Variants in ITPK1 observed in about 807,000 individuals in gnomAD.
The protein encoded by ITPK1 is inositol-tetrakisphosphate 1-kinase.
ITPK1 carries 21 observed loss-of-function variants against 45.3 expected under a neutral mutation model. The ratio of observed to expected loss-of-function variants is 0.46; its 90% CI spans 0.33 to 0.67. The LOEUF (loss-of-function observed/expected upper bound fraction) is 0.67. Ranked by LOEUF, ITPK1 falls within the 30% of genes least tolerant of loss-of-function variation. ITPK1 has a pLI of 0.02. For missense variants in ITPK1, 474 were observed against 573.5 expected (o/e 0.83, Z 1.77); for synonymous variants, 258 against 253.6 (o/e 1.02, Z -0.16).
intron 2 of ITPK1, among the ~76,000 whole-genome samples, chr14:93,082,195 C>A (rs2139992742): frequency 6.6e-6 from 1 of 152,242 alleles, no homozygotes; most frequent in East Asian, 1.9e-4. Flanking sequence ...AACCTAAGAA[C>A]CAGAAATAGT....
At chr14:93,089,560 T>C (rs1891786495) in intron 2 of ITPK1, among the ~76,000 whole-genome samples, 1 of 152,056 alleles carries the variant, frequency 6.6e-6, no homozygotes, top group Non-Finnish European at 1.5e-5. Context: ...GCAGTAGGGC[T>C]AATGTTTTAG....
At chr14:92,953,809 G>GCAACA (rs1566692835) in intron 8 of ITPK1, among the ~76,000 whole-genome samples, 2 of 152,240 alleles carry the variant, frequency 1.3e-5, no homozygotes, top group Non-Finnish European at 1.5e-5. Context: ...GACAGATCAT[G>GCAACA]CAACACAACA....
At chr14:93,018,821 C>T (rs967834144) in intron 3 of ITPK1, among the ~76,000 whole-genome samples, 2 of 152,188 alleles carry the variant, frequency 1.3e-5, no homozygotes, top group Non-Finnish European at 2.9e-5. Flanking sequence ...AGGAAAATGA[C>T]CAAGCAAGGC....
At position 93,016,814 on chromosome 14, in the gene ITPK1, G is replaced by T; in HGVS notation, c.121-13C>A. On this transcript the variant is annotated splice_polypyrimidine_tract_variant and intron_variant, in intron 3 of 10. Coordinates refer to ENST00000267615, the MANE Select transcript of ITPK1 (RefSeq NM_014216.6). This position sits in a 1 kb window ranked among gnomAD's most constrained non-coding sequence, Gnocchi z 5.0. ...GGCTAAGGTTCAGCTGTGAGGCAGG[G>T]AACACAGACAAAAGCAACAACTTCA... 6.2e-7 allele frequency: 1 copy of T among 1,613,224 alleles called. No homozygotes were observed.
intron 4 of ITPK1, among the ~76,000 whole-genome samples, chr14:92,995,381 T>A (rs1886999837): frequency 6.6e-6 from 1 of 152,190 alleles, no homozygotes. Context: ...GAAAGAGCCA[T>A]TTGGAATTAT....
chr14:93,088,503 G>A (rs1209206545), intron 2 of ITPK1, among the ~76,000 whole-genome samples: 1 of 151,906 alleles, frequency 6.6e-6, no homozygotes, highest in Non-Finnish European at 1.5e-5. Context: ...CTACAGTCGT[G>A]CGCCACCATA....
rs1566680831 is a variant in ITPK1 at position 92,940,697 on chromosome 14, C to T, written c.*864G>A. On this transcript the variant is annotated 3_prime_UTR_variant, in exon 11 of 11. Transcript: ENST00000267615. ...AGCCAGCCCTGTGGTGCTCTCTGAT[C>T]TCAAATGTCCACTAGAGACAAGGGG... The T allele has an allele frequency of 7.8e-7, 1 of 1,285,842 alleles. No individual in the cohort carries two copies. 79.7% of individuals were successfully genotyped at this position (1,285,842 alleles called of 1,614,324 possible). A position where few individuals can be genotyped will look rare whatever the true frequency, so the allele number is the denominator to read the frequency against.
intron 5 of ITPK1, among the ~76,000 whole-genome samples, chr14:92,972,036 G>T (rs1294762766): frequency 6.6e-6 from 1 of 152,172 alleles, no homozygotes; most frequent in Non-Finnish European, 1.5e-5. Context: ...AATCCAGGAA[G>T]CCCCTTGTTG....
At chr14:93,089,325 C>T (rs1299011135) in intron 2 of ITPK1, among the ~76,000 whole-genome samples, 2 of 152,300 alleles carry the variant, frequency 1.3e-5, no homozygotes, top group East Asian at 3.9e-4. Context: ...GGGGAGCCAG[C>T]ACCCTGTTCC....
intron 2 of ITPK1, among the ~76,000 whole-genome samples, chr14:93,098,849 A>G (rs906603992): frequency 9.9e-5 from 15 of 152,104 alleles, no homozygotes; most frequent in Non-Finnish European, 1.8e-4. Flanking sequence ...AAAATTCTGG[A>G]ACACCAAGCA....
At chr14:92,954,358 G>T (rs575110986) in intron 8 of ITPK1, among the ~76,000 whole-genome samples, 139 of 152,348 alleles carry the variant, frequency 9.1e-4, no homozygotes, top group African/African-American at 3.1e-3. Context: ...ATGATGGAAA[G>T]CTGAGGCAAG....
At chr14:92,962,978 C>G (rs1051896575) in intron 5 of ITPK1, 129 bp from the exon 6 acceptor site, 4 of 597,010 alleles carry the variant, frequency 6.7e-6, no homozygotes, top group African/African-American at 1.9e-5. Flanking sequence ...CGTCCCCAAC[C>G]TCTGCAGTCC....
At chr14:93,017,171 A>G (rs190299004) in intron 3 of ITPK1, among the ~76,000 whole-genome samples, 113 of 152,342 alleles carry the variant, frequency 7.4e-4, no homozygotes, top group African/African-American at 2.5e-3. Context: ...TTTTCTCAAC[A>G]CACCCCATCT....
Position 93,034,233 on chromosome 14 carries a change from G to A in ITPK1, c.121-17432C>T, listed in dbSNP as rs1037546764. The stretch of plus-strand genomic sequence containing the variant: ...CTTCAGCCACACAGCACCTGCAGCA[G>A]CCGGGGGTTCCCATGGCAAACCACC... On this transcript the variant is annotated intron_variant, in intron 3 of 10. Transcript: ENST00000267615. The surrounding 1 kb of genome is among the most constrained non-coding windows in gnomAD (Gnocchi z 4.1). Among the ~76,000 whole-genome samples, 1 of 149,666 alleles carries A rather than the reference G, an allele frequency of 6.7e-6. No homozygotes were observed. Among genetic ancestry groups the A allele is most frequent in the Non-Finnish European group, 1.5e-5 (1 of 67,600 alleles).
intron 3 of ITPK1, among the ~76,000 whole-genome samples, chr14:93,017,855 T>C (rs947646685): frequency 2.0e-5 from 3 of 152,266 alleles, no homozygotes; most frequent in African/African-American, 7.2e-5. Flanking sequence ...CGCTCAAAGC[T>C]TGCGTGCATT....
In ITPK1 at chr14:92,940,938, A is replaced by G; in HGVS notation, c.*623T>C. 1 of 1,287,370 alleles carries G rather than the reference A, an allele frequency of 7.8e-7. No individual in the cohort carries two copies. The highest frequency in any genetic ancestry group is 1.2e-5 in the South Asian group (1 of 80,920). 79.7% of individuals were successfully genotyped at this position (1,287,370 alleles called of 1,614,324 possible). A position where few individuals can be genotyped will look rare whatever the true frequency, so the allele number is the denominator to read the frequency against. ...CAGCTTCCTTTCCTTCCCTTTAGTG[A>G]GGGAGCACAGCCCAGACCCCAGCGC... On this transcript the variant is annotated 3_prime_UTR_variant, in exon 11 of 11. Transcript: ENST00000267615.
In ITPK1 at chr14:93,015,634, C is replaced by T. The variant is rs553142517; in HGVS notation, c.246+1042G>A. ...AGGGCAGACGCCCTGGAGGGCACAA[C>T]GTGGGACATGCCCTGCCCCCAAGCA... On this transcript the variant is annotated intron_variant, in intron 4 of 10. Coordinates refer to ENST00000267615, the MANE Select transcript of ITPK1 (RefSeq NM_014216.6). Among the ~76,000 whole-genome samples the T allele has an allele frequency of 1.9e-3, 287 of 152,336 alleles. 2 individuals carry two copies. The highest frequency in any genetic ancestry group is 6.3e-3 in the African/African-American group (264 of 41,582).
chr14:92,988,554 T>C (rs1332695203), intron 5 of ITPK1, among the ~76,000 whole-genome samples: 1 of 152,190 alleles, frequency 6.6e-6, no homozygotes, highest in African/African-American at 2.4e-5. Flanking sequence ...CAGGTGAGCC[T>C]AGGCAGGACT....
intron 4 of ITPK1, among the ~76,000 whole-genome samples, chr14:93,004,594 G>A (rs1887518579): frequency 6.6e-6 from 1 of 151,874 alleles, no homozygotes; most frequent in Non-Finnish European, 1.5e-5. Flanking sequence ...GTGTGTGTGT[G>A]AGAATGAGTG....
Sources: allele counts gnomAD v4.1 joint callset (sites outside exome capture counted in the v4.1 genomes callset), GRCh38; gene constraint gnomAD v4.1.1; non-coding constraint Gnocchi (gnomAD v3.1); transcripts MANE v1.5; gene names NCBI Gene and HGNC (gene_info 2026-07-23, HGNC 2026-07-21).